LHX6: variants seen among roughly 807,000 people sequenced by gnomAD.
LHX6 encodes the protein LIM homeobox 6, also known as LIM/homeobox protein Lhx6.
LHX6 carries 15 observed loss-of-function variants against 47.1 expected under a neutral mutation model. The ratio of observed to expected loss-of-function variants is 0.32; its 90% CI spans 0.21 to 0.49. The LOEUF (loss-of-function observed/expected upper bound fraction) is 0.49, where lower values mean the gene tolerates loss of function less well. LHX6 is among the 20% of genes least tolerant of loss of function. LHX6 has a pLI of 0.99. For missense variants in LHX6, 404 were observed against 539.6 expected (o/e 0.75, Z 2.49); for synonymous variants, 242 against 233.5 (o/e 1.04, Z -0.33).
chr9:122,217,042 G>C lies in LHX6; in HGVS notation c.682+26C>G. On this transcript the variant is annotated intron_variant, in intron 5 of 9. Coordinates refer to ENST00000394319, the MANE Select transcript of LHX6 (RefSeq NM_014368.5). The surrounding 1 kb of genome is among the most constrained non-coding windows in gnomAD (Gnocchi z 4.9). ...GGGGTGGGAAAGGGCTGGGGGCAGA[G>C]GTGCCAGGCGGAGCAGGTTGGGTAC... is the stretch of plus-strand genomic sequence containing the variant. 1 of 1,598,872 alleles carries C rather than the reference G, an allele frequency of 6.3e-7. No homozygotes were observed. The highest frequency in any genetic ancestry group is 8.6e-7 in the Non-Finnish European group (1 of 1,166,572).
At chr9:122,220,479 A>G (rs1830802094) in intron 4 of LHX6, among the ~76,000 whole-genome samples, 2 of 152,224 alleles carry the variant, frequency 1.3e-5, no homozygotes, top group Admixed American at 6.5e-5. Context: ...CGACAGAACG[A>G]CAGACTCCTT....
In LHX6 at chr9:122,214,958, A is replaced by G. The variant is rs1830539921; in HGVS notation, c.683-575T>C. The stretch of plus-strand genomic sequence containing the variant: ...TTTTGAGGTATTTAAAAACAATCAT[A>G]TGTTGCCTTACTTCTGTAAGGTTTA... On this transcript the variant is annotated intron_variant, in intron 5 of 9. Transcript: ENST00000394319. This position sits in a 1 kb window ranked among gnomAD's most constrained non-coding sequence, Gnocchi z 4.6. 6.6e-6 allele frequency among the ~76,000 whole-genome samples: 1 copy of G among 152,204 alleles called. No individual in the cohort carries two copies. Among genetic ancestry groups the G allele is most frequent in the South Asian group, 2.1e-4 (1 of 4,834 alleles).
In LHX6 at chr9:122,227,499, G is replaced by GGGGGGGGCA; in HGVS notation, c.85-20_85-19insTGCCCCCCC. The GGGGGGGGCA allele has an allele frequency of 1.5e-6, 1 of 656,292 alleles. No homozygotes were observed. The highest frequency in any genetic ancestry group is 2.5e-6 in the Non-Finnish European group (1 of 401,608). The allele number at this position is 656,292 out of a possible 1,614,324, so 40.7% of individuals were successfully genotyped here. A position where few individuals can be genotyped will look rare whatever the true frequency, so the allele number is the denominator to read the frequency against. On this transcript the variant is annotated intron_variant, in intron 1 of 9. Coordinates refer to ENST00000394319, the MANE Select transcript of LHX6 (RefSeq NM_014368.5). ...CCATCACCTGGGGGAGGGGGGGAGG[G>GGGGGGGGCA]AACGCAGGCGGCGGCGGCTGCTGAA...
intron 4 of LHX6, among the ~76,000 whole-genome samples, chr9:122,225,317 T>C (rs1831047566): frequency 6.6e-6 from 1 of 152,204 alleles, no homozygotes; most frequent in Admixed American, 6.5e-5. Flanking sequence ...AGGAAGTGAT[T>C]CTCCACCATT....
In LHX6 at chr9:122,226,547, T is replaced by G. The variant is rs375445508; in HGVS notation, c.340-50A>C. On this transcript the variant is annotated intron_variant, in intron 3 of 9. Coordinates refer to ENST00000394319, the MANE Select transcript of LHX6 (RefSeq NM_014368.5). The surrounding 1 kb of genome is among the most constrained non-coding windows in gnomAD (Gnocchi z 6.5). ...TCGGCTCAGCGCGGGCCTCTTTCAC[T>G]CCGGGCCCCAGCCTTCCCGGTCTCA... The G allele has an allele frequency of 3.0e-5, 47 of 1,585,658 alleles. No individual in the cohort carries two copies. In the Middle Eastern group the frequency reaches 7.4e-4, roughly 25 times the overall value.
chr9:122,210,866 C>A (rs768475058), intron 8 of LHX6, among the ~76,000 whole-genome samples: 1 of 152,144 alleles, frequency 6.6e-6, no homozygotes, highest in Non-Finnish European at 1.5e-5. Context: ...CCCAGCCTGA[C>A]TTACTGCATA....
In LHX6 at chr9:122,228,606, A is replaced by G. The variant is rs1218688272; in HGVS notation, c.84+51T>C. The G allele has an allele frequency of 2.3e-6, 3 of 1,311,220 alleles. No individual in the cohort carries two copies. In the African/African-American group the frequency reaches 4.8e-5, roughly 21 times the overall value. 81.2% of individuals were successfully genotyped at this position (1,311,220 alleles called of 1,614,324 possible). A position where few individuals can be genotyped will look rare whatever the true frequency, so the allele number is the denominator to read the frequency against. ...CCTGCTCGGCCCGGCTGGGTCCCGG[A>G]CCCTGCCCGACCCCGGCCCGGGCCG... On this transcript the variant is annotated intron_variant, in intron 1 of 9. Coordinates refer to ENST00000394319, the MANE Select transcript of LHX6 (RefSeq NM_014368.5).
chr9:122,221,263 C>T (rs1322748794), intron 4 of LHX6: 9 of 985,428 alleles, frequency 9.1e-6, no homozygotes, highest in Non-Finnish European at 1.1e-5. Flanking sequence ...GAGGTTAAAA[C>T]GACCGCTTCT....
Position 122,226,790 on chromosome 9 carries a change from C to A in LHX6, c.339+58G>T. On this transcript the variant is annotated intron_variant, in intron 3 of 9. Coordinates refer to ENST00000394319, the MANE Select transcript of LHX6 (RefSeq NM_014368.5). This position sits in a 1 kb window ranked among gnomAD's most constrained non-coding sequence, Gnocchi z 6.5. ...AGGACCTGCGGTGCTTCCCTGCAGTCTCCTGCGCTGCGTCCCACGCCCCGA... is the reference window on the plus strand; with the variant it reads ...AGGACCTGCGGTGCTTCCCTGCAGTATCCTGCGCTGCGTCCCACGCCCCGA... 2.6e-6 allele frequency: 4 copies of A among 1,519,390 alleles called. No homozygotes were observed. Among genetic ancestry groups the A allele is most frequent in the Non-Finnish European group, 3.5e-6 (4 of 1,127,318 alleles). The allele number at this position is 1,519,390 out of a possible 1,614,324, so 94.1% of individuals were successfully genotyped here.
At chr9:122,223,118 C>T (rs1451251941) in intron 4 of LHX6, among the ~76,000 whole-genome samples, 1 of 152,184 alleles carries the variant, frequency 6.6e-6, no homozygotes, top group African/African-American at 2.4e-5. Flanking sequence ...ATAGTCCTTG[C>T]CTGGCACTCG....
intron 1 of LHX6, chr9:122,228,048 A>G (rs1831184818): frequency 1.7e-5 from 9 of 530,226 alleles, no homozygotes; most frequent in South Asian, 9.0e-5. Context: ...AATAAAAAAG[A>G]GATGGGTGAG....
chr9:122,215,565 G>T (rs1442231904), intron 5 of LHX6, among the ~76,000 whole-genome samples: 1 of 152,208 alleles, frequency 6.6e-6, no homozygotes, highest in East Asian at 1.9e-4. Context: ...ACCATGTGTG[G>T]AAGGAGCCTG....
chr9:122,211,000 G>A (rs1251185300), intron 8 of LHX6, among the ~76,000 whole-genome samples: 1 of 152,222 alleles, frequency 6.6e-6, no homozygotes, highest in Non-Finnish European at 1.5e-5. Context: ...CCTAGAGTGA[G>A]GCATGGCATT....
At chr9:122,207,387 G>T (rs1346043483) in intron 9 of LHX6, among the ~76,000 whole-genome samples, 1 of 152,176 alleles carries the variant, frequency 6.6e-6, no homozygotes, top group Non-Finnish European at 1.5e-5. Flanking sequence ...CGACAGACTC[G>T]CTGCATCCCT....
chr9:122,204,711 A>AGG lies in LHX6; in HGVS notation c.*47_*48dup. On this transcript the variant is annotated 3_prime_UTR_variant, in exon 10 of 10. Transcript: ENST00000394319. ...CTTGGACACTGGATCTCAGCGGCTG[A>AGG]GGGGCAGCTGTGGGGCGCCCACGGG... 1 of 1,593,274 alleles carries AGG rather than the reference A, an allele frequency of 6.3e-7. No individual in the cohort carries two copies. The highest frequency in any genetic ancestry group is 8.5e-7 in the Non-Finnish European group (1 of 1,169,722).
intron 2 of LHX6, 37 bp from the exon 3 acceptor site, chr9:122,227,067 G>C (rs1831134032): frequency 6.9e-7 from 1 of 1,444,802 alleles, no homozygotes. Context: ...GCGCTGATCC[G>C]GGCACCCAGA....
intron 8 of LHX6, among the ~76,000 whole-genome samples, chr9:122,210,108 T>C (rs1217698752): frequency 2.0e-5 from 3 of 152,098 alleles, no homozygotes; most frequent in Non-Finnish European, 4.4e-5. Flanking sequence ...TCTGACCTCA[T>C]GGGGTTTCAC....
chr9:122,227,039 G>C lies in LHX6; in HGVS notation c.157-9C>G, dbSNP rs944935887. On this transcript the variant is annotated splice_polypyrimidine_tract_variant and intron_variant, in intron 2 of 9. Coordinates refer to ENST00000394319, the MANE Select transcript of LHX6 (RefSeq NM_014368.5). The stretch of plus-strand genomic sequence containing the variant: ...TCGGCGTCAGACTGAGCCTGCGGCG[G>C]GGGAGAGAAGGAGAGGAGCGCTGAT... The C allele has an allele frequency of 1.1e-5, 16 of 1,470,644 alleles. No homozygotes were observed. Among genetic ancestry groups the C allele is most frequent in the Non-Finnish European group, 1.4e-5 (15 of 1,109,614 alleles). The allele number at this position is 1,470,644 out of a possible 1,614,324, so 91.1% of individuals were successfully genotyped here. A position where few individuals can be genotyped will look rare whatever the true frequency, so the allele number is the denominator to read the frequency against.
In LHX6 at chr9:122,213,685, G is replaced by A; in HGVS notation, c.975C>T (p.Ala325=). Residue 325 remains alanine (A), a synonymous_variant, in exon 8 of 10, where the codon GCC becomes GCT. Coordinates refer to ENST00000394319, the MANE Select transcript of LHX6 (RefSeq NM_014368.5). This position sits in a 1 kb window ranked among gnomAD's most constrained non-coding sequence, Gnocchi z 5.5. ...SGAPPSRLPS[A]LSDDIHYTPF... Reference sequence around the variant, plus strand: ...GGGTGTAGTGGATGTCGTCGGACAGGGCGGAGGGAAGGCGGGACGGGGGCG... The same window carrying A: ...GGGTGTAGTGGATGTCGTCGGACAGAGCGGAGGGAAGGCGGGACGGGGGCG... The A allele has an allele frequency of 6.2e-7, 1 of 1,612,814 alleles. No homozygotes were observed. The highest frequency in any genetic ancestry group is 8.5e-7 in the Non-Finnish European group (1 of 1,179,848).
Sources: allele counts gnomAD v4.1 joint callset (sites outside exome capture counted in the v4.1 genomes callset), GRCh38; gene constraint gnomAD v4.1.1; non-coding constraint Gnocchi (gnomAD v3.1); transcripts MANE v1.5; gene names NCBI Gene and HGNC (gene_info 2026-07-23, HGNC 2026-07-21).